ZFHX3: variants seen among roughly 807,000 people sequenced by gnomAD.
The protein encoded by ZFHX3 is zinc finger homeobox 3, also known as zinc finger homeobox protein 3.
A neutral mutation model predicts 279.1 loss-of-function variants in ZFHX3; 42 were observed. The observed-to-expected ratio is 0.15, with a 90% confidence interval of 0.12 to 0.19. The LOEUF (loss-of-function observed/expected upper bound fraction) is 0.19. Ranked by LOEUF, ZFHX3 falls within the 10% of genes least tolerant of loss-of-function variation. ZFHX3 has a pLI of 1.00. For missense variants in ZFHX3, 4,981 were observed against 4,754.0 expected, an observed-to-expected ratio of 1.05 and a Z score of -1.40; for synonymous variants, 2,293 against 1,957.8, an observed-to-expected ratio of 1.17 and a Z score of -4.52.
At chr16:73,297,621 T>C (rs996060545) in intron 4 of ZFHX3, among the ~76,000 whole-genome samples, 4 of 152,112 alleles carry the variant, frequency 2.6e-5, no homozygotes, top group South Asian at 2.1e-4. Context: ...ACGGGACACA[T>C]GTAGCCCTGA....
chr16:73,147,901 G>C (rs1387960154), intron 5 of ZFHX3, among the ~76,000 whole-genome samples: 1 of 152,118 alleles, frequency 6.6e-6, no homozygotes, highest in African/African-American at 2.4e-5. Flanking sequence ...CCCATAGCCC[G>C]GGCTTTTCCA....
intron 1 of ZFHX3, among the ~76,000 whole-genome samples, chr16:73,864,300 A>G (rs952545858): frequency 9.9e-5 from 15 of 152,274 alleles, no homozygotes; most frequent in Non-Finnish European, 1.9e-4. Context: ...CCTCAGAGCA[A>G]TCCTTCATTC....
intron 7 of ZFHX3, among the ~76,000 whole-genome samples, chr16:73,117,686 C>A (rs1401465010): frequency 2.0e-5 from 3 of 152,168 alleles, no homozygotes; most frequent in Non-Finnish European, 4.4e-5. Context: ...TGTGTCCCCA[C>A]CTAAATTCAC....
intron 1 of ZFHX3, among the ~76,000 whole-genome samples, chr16:73,700,326 A>G (rs2053235427): frequency 6.6e-6 from 1 of 152,272 alleles, no homozygotes; most frequent in South Asian, 2.1e-4. Context: ...ACAGATTTTA[A>G]GAAGTAAAAA....
At chr16:73,128,483 A>G (rs905914139) in intron 7 of ZFHX3, among the ~76,000 whole-genome samples, 2 of 152,200 alleles carry the variant, frequency 1.3e-5, no homozygotes. Flanking sequence ...TATAAATGAC[A>G]GGCAGGAATG....
chr16:72,817,476 C>T (rs982404803), intron 5 of ZFHX3, among the ~76,000 whole-genome samples: 2 of 152,228 alleles, frequency 1.3e-5, no homozygotes, highest in Admixed American at 1.3e-4. Context: ...TAAGGTCCCT[C>T]ATTTTCAAGA....
chr16:72,806,220 CAAAAG>C (rs916404987), intron 7 of ZFHX3, among the ~76,000 whole-genome samples: 82 of 152,006 alleles, frequency 5.4e-4, no homozygotes, highest in Admixed American at 2.3e-3. Context: ...ACATCAAGCT[CAAAAG>C]AAAATACTGT....
At position 73,640,840 on chromosome 16, in the gene ZFHX3, T is replaced by G. The variant is rs377154442; in HGVS notation, c.-1547+39340A>C. On this transcript the variant is annotated intron_variant, in intron 2 of 17. Transcript: ENST00000641206. ...ACACAAAAACTTCAGATTAAAAGTT[T>G]CCAACCAGGTACCCAGCTCAGTGAA... Among the ~76,000 whole-genome samples the G allele has an allele frequency of 2.0e-5, 3 of 152,230 alleles. No homozygotes were observed. The East Asian group carries it at 5.8e-4, about 29-fold the overall frequency.
At chr16:73,452,498 T>C (rs966161456) in intron 3 of ZFHX3, among the ~76,000 whole-genome samples, 25 of 152,324 alleles carry the variant, frequency 1.6e-4, no homozygotes, top group African/African-American at 5.8e-4. Flanking sequence ...TAAATCATTT[T>C]CCATCTTGTT....
At chr16:73,308,995 T>A (rs190039710) in intron 4 of ZFHX3, among the ~76,000 whole-genome samples, 26 of 152,148 alleles carry the variant, frequency 1.7e-4, no homozygotes, top group Non-Finnish European at 1.5e-4. Flanking sequence ...CCTGGTAGGG[T>A]TTATATAGAA....
intron 3 of ZFHX3, among the ~76,000 whole-genome samples, chr16:73,385,469 C>T (rs993073230): frequency 6.6e-6 from 1 of 152,064 alleles, no homozygotes; most frequent in Admixed American, 6.6e-5. Flanking sequence ...ACTTATAGGC[C>T]CTGGCAGCTC....
intron 1 of ZFHX3, among the ~76,000 whole-genome samples, chr16:73,043,989 C>T (rs188401735): frequency 1.3e-5 from 2 of 152,144 alleles, no homozygotes; most frequent in Admixed American, 6.5e-5. Context: ...TTGACACAAC[C>T]GTAGCTTCTG....
intron 1 of ZFHX3, among the ~76,000 whole-genome samples, chr16:73,822,039 C>A (rs895883051): frequency 3.3e-5 from 5 of 152,178 alleles, no homozygotes; most frequent in African/African-American, 4.8e-5. Context: ...CCAAAGGACC[C>A]CATTCCTGTC....
chr16:72,818,432 A>G (rs923667306), intron 5 of ZFHX3, among the ~76,000 whole-genome samples: 8 of 152,310 alleles, frequency 5.3e-5, no homozygotes, highest in Admixed American at 3.9e-4. Context: ...ACTGCACTTG[A>G]TAAGTGGCCA....
intron 4 of ZFHX3, among the ~76,000 whole-genome samples, chr16:73,271,000 C>T (rs188506111): frequency 1.2e-4 from 18 of 152,244 alleles, no homozygotes; most frequent in Admixed American, 7.8e-4. Flanking sequence ...TTGGTGATTT[C>T]GTTTTGTTCT....
intron 3 of ZFHX3, among the ~76,000 whole-genome samples, chr16:73,362,756 A>G (rs1037726214): frequency 6.6e-6 from 1 of 152,250 alleles, no homozygotes; most frequent in Non-Finnish European, 1.5e-5. Context: ...GTGAAAATGA[A>G]TAATAACATC....
intron 3 of ZFHX3, among the ~76,000 whole-genome samples, chr16:73,381,333 G>C (rs2113268): frequency 6.6e-6 from 1 of 151,930 alleles, no homozygotes; most frequent in Non-Finnish European, 1.5e-5. Context: ...TCTTTTGGTA[G>C]GGTAATTTCA....
At chr16:73,006,759 C>T (rs1172436130) in intron 1 of ZFHX3, among the ~76,000 whole-genome samples, 3 of 152,164 alleles carry the variant, frequency 2.0e-5, no homozygotes, top group Non-Finnish European at 2.9e-5. Flanking sequence ...CTGTCCCTTG[C>T]TATATCTCCC....
chr16:73,498,773 T>C (rs1751883401), intron 2 of ZFHX3, among the ~76,000 whole-genome samples: 1 of 152,144 alleles, frequency 6.6e-6, no homozygotes. Flanking sequence ...CGAGCTGGAA[T>C]GCAGGCTGTA....
Sources: gnomAD v4.1 joint callset for allele counts (sites outside exome capture counted in the v4.1 genomes callset) on GRCh38, gnomAD v4.1.1 for gene constraint, MANE v1.5 for transcripts, NCBI Gene and HGNC (gene_info 2026-07-23, HGNC 2026-07-21) for gene names.